Variants in DIAPH2 observed in about 807,000 individuals in gnomAD.
The protein encoded by DIAPH2 is diaphanous related formin 2.
DIAPH2 carries 35 observed loss-of-function variants against 92.7 expected under a neutral mutation model. The observed-to-expected ratio is 0.38, with a 90% CI of 0.29 to 0.50. DIAPH2 has a LOEUF of 0.50. Ranked by LOEUF, DIAPH2 falls within the 20% of genes least tolerant of loss-of-function variation. The pLI is 0.94. For synonymous variants in DIAPH2, 301 were observed against 280.4 expected, an observed-to-expected ratio of 1.07 and a Z score of -0.73; for missense variants, 701 against 819.5, an observed-to-expected ratio of 0.86 and a Z score of 1.77.
At chrX:97,274,484 G>A (rs1270238749) in intron 23 of DIAPH2, among the ~76,000 whole-genome samples, 3 of 103,628 alleles carry the variant, frequency 2.9e-5, no homozygotes, top group Non-Finnish European at 3.9e-5. Flanking sequence ...CTCCAGCCTC[G>A]GCAACAGAGC....
At chrX:96,811,171 C>G (rs1396164062) in intron 4 of DIAPH2, among the ~76,000 whole-genome samples, 3 of 111,646 alleles carry the variant, frequency 2.7e-5, no homozygotes, top group Non-Finnish European at 5.6e-5. Context: ...TCTTCCATTT[C>G]TTTGTGTCCT....
At position 97,347,850 on chromosome X, in the gene DIAPH2, G is replaced by A. The variant is rs148706960; in HGVS notation, c.2845-266G>A. The stretch of plus-strand genomic sequence containing the variant: ...GCGATTAGGATACAGACAGGGGAAC[G>A]ACTATGGAGAGACCTCAGAAGAAAC... On this transcript the variant is annotated intron_variant, in intron 23 of 26. Transcript: ENST00000324765. Among the ~76,000 whole-genome samples the A allele has an allele frequency of 7.1e-3, 791 of 111,164 alleles. 2 individuals are homozygous for A. The highest frequency in any genetic ancestry group is 0.037 in the Middle Eastern group (8 of 214).
intron 4 of DIAPH2, among the ~76,000 whole-genome samples, chrX:96,788,713 A>T (rs1410793833): frequency 8.9e-6 from 1 of 112,125 alleles, no homozygotes; most frequent in East Asian, 2.8e-4. Flanking sequence ...ATGTTCTATT[A>T]GTACTGTAAG....
chrX:96,909,758 A>AT (rs1056551992), intron 5 of DIAPH2, among the ~76,000 whole-genome samples: 10 of 110,718 alleles, frequency 9.0e-5, no homozygotes, highest in Non-Finnish European at 1.3e-4. Context: ...ATTGTATCTT[A>AT]TTTTTTTTAA....
Position 96,882,113 on chromosome X carries a change from C to G in DIAPH2, c.587+395C>G, listed in dbSNP as rs867835580. ...TTGCCCAGGCTGGAGTGCAGTGGCACGATCTTGGCTCACTGCAACCTCTGC... is the reference window on the plus strand; with the variant it reads ...TTGCCCAGGCTGGAGTGCAGTGGCAGGATCTTGGCTCACTGCAACCTCTGC... On this transcript the variant is annotated intron_variant, in intron 5 of 26. Transcript: ENST00000324765. Among the ~76,000 whole-genome samples the G allele has an allele frequency of 4.6e-5, 5 of 109,302 alleles. No individual in the cohort carries two copies. The Middle Eastern group carries it at 0.014, about 312-fold the overall frequency. 94.9% of individuals were successfully genotyped at this position (109,302 alleles called of 115,157 possible). A position where few individuals can be genotyped will look rare whatever the true frequency, so the allele number is the denominator to read the frequency against.
At chrX:97,051,921 A>G (rs1473344308) in intron 17 of DIAPH2, among the ~76,000 whole-genome samples, 6 of 112,155 alleles carry the variant, frequency 5.3e-5, no homozygotes, top group Admixed American at 4.7e-4. Context: ...TAGGCCTTCA[A>G]TATAGTATTT....
intron 17 of DIAPH2, among the ~76,000 whole-genome samples, chrX:97,044,692 CATACTAACATGCTCT>C (rs1308092577): frequency 9.0e-6 from 1 of 111,086 alleles, no homozygotes; most frequent in East Asian, 2.9e-4. Context: ...TTTTCAGCAG[CATACTAACATGCTCT>C]AGTGTCTCTT....
intron 26 of DIAPH2, among the ~76,000 whole-genome samples, chrX:97,454,349 G>C (rs1395759966): frequency 1.8e-5 from 2 of 110,491 alleles, no homozygotes; most frequent in Admixed American, 1.9e-4. Flanking sequence ...AAAACAAAAA[G>C]CAGAATACAG....
At chrX:97,027,868 T>G (rs1172691445) in intron 17 of DIAPH2, among the ~76,000 whole-genome samples, 1 of 112,398 alleles carries the variant, frequency 8.9e-6, no homozygotes, top group Non-Finnish European at 1.9e-5. Context: ...TGAGTCTCCC[T>G]ATGTTTCTTT....
At chrX:96,939,597 TATATACACACACACACAC>T (rs1192280805) in intron 12 of DIAPH2, among the ~76,000 whole-genome samples, 6 of 59,088 alleles carry the variant, frequency 1.0e-4, no homozygotes, top group Admixed American at 3.5e-4. Flanking sequence ...TGTGTGTGTG[TATATACACACACACACAC>T]ATATACACAC....
intron 17 of DIAPH2, among the ~76,000 whole-genome samples, chrX:96,974,164 G>A (rs2065946256): frequency 8.9e-6 from 1 of 111,944 alleles, no homozygotes; most frequent in Admixed American, 9.5e-5. Context: ...TTAATAAGGA[G>A]GGGTGAAATG....
At chrX:96,685,345 G>A (rs1473448465) in intron 1 of DIAPH2, among the ~76,000 whole-genome samples, 155 bp downstream of exon 1, 1 of 112,529 alleles carries the variant, frequency 8.9e-6, no homozygotes, top group Non-Finnish European at 1.9e-5. Context: ...GCCACGCCGA[G>A]GCGCGGAGAC....
intron 26 of DIAPH2, among the ~76,000 whole-genome samples, chrX:97,566,210 C>A (rs1392465148): frequency 8.9e-6 from 1 of 111,942 alleles, no homozygotes; most frequent in African/African-American, 3.2e-5. Context: ...TGTAAGACAT[C>A]TTCCTCTTTT....
chrX:97,071,951 T>C (rs1169701987), intron 17 of DIAPH2, among the ~76,000 whole-genome samples: 1 of 111,787 alleles, frequency 8.9e-6, no homozygotes, highest in Non-Finnish European at 1.9e-5. Flanking sequence ...CAGCATGAAT[T>C]TGGGGGCAAG....
At chrX:97,250,858 A>G (rs993872758) in intron 23 of DIAPH2, among the ~76,000 whole-genome samples, 14 of 111,950 alleles carry the variant, frequency 1.3e-4, no homozygotes, top group African/African-American at 4.2e-4. Context: ...AATCACCTTT[A>G]TAGAGCATGC....
intron 26 of DIAPH2, among the ~76,000 whole-genome samples, chrX:97,445,556 TA>T (rs1422860130): frequency 1.8e-5 from 2 of 110,215 alleles, no homozygotes; most frequent in Non-Finnish European, 3.8e-5. Flanking sequence ...TAGCTGGGAT[TA>T]CAGGTGCCCG....
At chrX:97,577,921 G>A (rs976835039) in intron 26 of DIAPH2, among the ~76,000 whole-genome samples, 5 of 110,576 alleles carry the variant, frequency 4.5e-5, no homozygotes, top group African/African-American at 1.3e-4. Flanking sequence ...GTCTTCTCTT[G>A]CAGTGAATTT....
At chrX:96,763,358 C>CT (rs981643161) in intron 4 of DIAPH2, among the ~76,000 whole-genome samples, 7 of 109,436 alleles carry the variant, frequency 6.4e-5, no homozygotes, top group Non-Finnish European at 1.3e-4. Context: ...AAGTTTTCAC[C>CT]TTTTTTTTTG....
intron 19 of DIAPH2, among the ~76,000 whole-genome samples, chrX:97,086,651 T>A (rs776006502): frequency 2.4e-5 from 2 of 83,443 alleles, no homozygotes; most frequent in South Asian, 8.7e-4. Context: ...CATAAATATA[T>A]CCTTTTTGTC....
Sources: gnomAD v4.1 joint callset for allele counts (sites outside exome capture counted in the v4.1 genomes callset) on GRCh38, gnomAD v4.1.1 for gene constraint, MANE v1.5 for transcripts, NCBI Gene and HGNC (gene_info 2026-07-23, HGNC 2026-07-21) for gene names.